Variants in TMEM150C observed in about 807,000 individuals in gnomAD.
TMEM150C encodes the protein tentonin 3.
A neutral mutation model predicts 29.9 loss-of-function variants in TMEM150C; 10 were observed. The observed-to-expected ratio is 0.33, with a 90% CI of 0.21 to 0.57. The LOEUF (loss-of-function observed/expected upper bound fraction) is 0.57, where lower values mean the gene tolerates loss of function less well. Among genes scored for constraint, TMEM150C ranks in the 20% least tolerant of loss-of-function variants. The pLI is 0.88. For synonymous variants in TMEM150C, 101 were observed against 112.5 expected (o/e 0.90, Z 0.64); for missense variants, 251 against 303.6 (o/e 0.83, Z 1.29).
chr4:82,491,937 T>G lies in TMEM150C; in HGVS notation c.364-1699A>C, dbSNP rs929643980. 1.2e-4 allele frequency among the ~76,000 whole-genome samples: 11 copies of G among 90,006 alleles called. No individual in the cohort carries two copies. The South Asian group carries it at 1.8e-3, about 15-fold the overall frequency. 59.0% of individuals were successfully genotyped at this position (90,006 alleles called of 152,430 possible). A position where few individuals can be genotyped will look rare whatever the true frequency, so the allele number is the denominator to read the frequency against. On this transcript the variant is annotated intron_variant, in intron 6 of 7. Transcript: ENST00000449862. Reference sequence around the variant, plus strand: ...GTCTATGTAATGTGACTAATTCTTGTTTTTTTTTTTGGTTTTTTTTTTTGA... The same window carrying G: ...GTCTATGTAATGTGACTAATTCTTGGTTTTTTTTTTGGTTTTTTTTTTTGA...
At chr4:82,515,423 T>A (rs949906572) in intron 1 of TMEM150C, among the ~76,000 whole-genome samples, 1 of 152,072 alleles carries the variant, frequency 6.6e-6, no homozygotes, top group Non-Finnish European at 1.5e-5. Context: ...TTACTCCCAA[T>A]ATGACTGACT....
At chr4:82,533,927 T>G (rs539641044) in intron 1 of TMEM150C, among the ~76,000 whole-genome samples, 1 of 152,358 alleles carries the variant, frequency 6.6e-6, no homozygotes, top group South Asian at 2.1e-4. Context: ...TCTAGAACTT[T>G]CACATTACTG....
At chr4:82,492,625 ATTACCAACTGATGT>A (rs1161650836) in intron 6 of TMEM150C, among the ~76,000 whole-genome samples, 2 of 151,844 alleles carry the variant, frequency 1.3e-5, no homozygotes, top group East Asian at 3.9e-4. Context: ...TCCCCAAATC[ATTACCAACTGATGT>A]TTAAAATATA....
rs1049656133 is a variant in TMEM150C, at chr4:82,485,448, T to G, written c.*63A>C. The G allele has an allele frequency of 2.4e-6, 3 of 1,241,492 alleles. No individual in the cohort carries two copies. Among genetic ancestry groups the G allele is most frequent in the Non-Finnish European group, 3.5e-6 (3 of 868,846 alleles). 76.9% of individuals were successfully genotyped at this position (1,241,492 alleles called of 1,614,324 possible). On this transcript the variant is annotated 3_prime_UTR_variant, in exon 8 of 8. Transcript: ENST00000449862. ...GAGGTTCTATGTCAAGTCCTGTGAG[T>G]GTGTCCTACTGGCCCCTCCCCCACT...
intron 1 of TMEM150C, among the ~76,000 whole-genome samples, chr4:82,525,530 A>C (rs1461755180): frequency 2.6e-5 from 4 of 152,236 alleles, no homozygotes; most frequent in African/African-American, 9.6e-5. Flanking sequence ...AGAAAGGGGG[A>C]TAGAATAGCT....
At chr4:82,495,801 A>T (rs2110065652) in intron 6 of TMEM150C, 1 of 432,608 alleles carries the variant, frequency 2.3e-6, no homozygotes, top group Non-Finnish European at 4.4e-6. Context: ...CTGTGGCCAT[A>T]TGCTTCTCAT....
intron 1 of TMEM150C, among the ~76,000 whole-genome samples, chr4:82,527,088 C>A (rs1724681023): frequency 7.6e-6 from 1 of 130,914 alleles, no homozygotes; most frequent in Admixed American, 8.9e-5. Flanking sequence ...ACAGAGTAAA[C>A]CTCAGGTATT....
rs1441005148 is a variant in TMEM150C, at chr4:82,507,723, CTCTCTTTTTTTTTTTTTT to C, written c.-10-3074_-10-3057del. Reference sequence around the variant, plus strand: ...TATATTAAATTAACTCTCTCTCTCTCTCTCTTTTTTTTTTTTTTTTTTTTTTTTTTTTTTTTTTTTTTT... The same window carrying C: ...TATATTAAATTAACTCTCTCTCTCTCTTTTTTTTTTTTTTTTTTTTTTTTT... On this transcript the variant is annotated intron_variant, in intron 1 of 7. Transcript: ENST00000449862. Among the ~76,000 whole-genome samples the C allele has an allele frequency of 4.2e-3, 361 of 86,020 alleles. 23 individuals carry two copies. Among genetic ancestry groups the C allele is most frequent in the South Asian group, 8.0e-3 (19 of 2,374 alleles). 56.4% of individuals were successfully genotyped at this position (86,020 alleles called of 152,430 possible).
intron 1 of TMEM150C, among the ~76,000 whole-genome samples, chr4:82,509,058 G>C (rs1454482384): frequency 6.6e-6 from 1 of 152,174 alleles, no homozygotes; most frequent in African/African-American, 2.4e-5. Context: ...TCTTCCTAAA[G>C]AGCCAATACT....
At chr4:82,491,434 C>A in intron 6 of TMEM150C, 1 of 676,266 alleles carries the variant, frequency 1.5e-6, no homozygotes, top group Non-Finnish European at 2.7e-6. Context: ...TAGAGGATGG[C>A]TGTCTGCCAC....
chr4:82,495,842 C>T, intron 6 of TMEM150C: 1 of 555,770 alleles, frequency 1.8e-6, no homozygotes. Context: ...TCATCTTCCA[C>T]TTTAATGAGT....
At chr4:82,561,325 G>C (rs923253688) in intron 1 of TMEM150C, among the ~76,000 whole-genome samples, 1 of 152,232 alleles carries the variant, frequency 6.6e-6, no homozygotes, top group East Asian at 1.9e-4. Context: ...CCCAGGAAAG[G>C]AAGGAAGACT....
intron 1 of TMEM150C, among the ~76,000 whole-genome samples, chr4:82,528,010 C>G (rs2110081474): frequency 6.6e-6 from 1 of 152,328 alleles, no homozygotes; most frequent in South Asian, 2.1e-4. Flanking sequence ...CCACTTTGCA[C>G]AGGCACTAGG....
At chr4:82,525,017 T>A (rs1724609102) in intron 1 of TMEM150C, among the ~76,000 whole-genome samples, 1 of 152,182 alleles carries the variant, frequency 6.6e-6, no homozygotes, top group Admixed American at 6.5e-5. Flanking sequence ...AGGAACCTAT[T>A]GCAATGTTCT....
chr4:82,507,967 A>G (rs1464089682), intron 1 of TMEM150C, among the ~76,000 whole-genome samples: 1 of 151,792 alleles, frequency 6.6e-6, no homozygotes, highest in Non-Finnish European at 1.5e-5. Flanking sequence ...AAGCTAGTCT[A>G]GAACTCCTGA....
chr4:82,502,889 G>T lies in TMEM150C; in HGVS notation c.167+6C>A, dbSNP rs759075303. On this transcript the variant is annotated splice_donor_region_variant and intron_variant, in intron 4 of 7. Coordinates refer to ENST00000449862, the MANE Select transcript of TMEM150C (RefSeq NM_001080506.3). ...CCCACAGGACAGAAGAGAATTGCTG[G>T]GTTACCTTATATATGGTGCATGCTT... 1 of 1,597,846 alleles carries T rather than the reference G, an allele frequency of 6.3e-7. No homozygotes were observed. The highest frequency in any genetic ancestry group is 1.7e-5 in the Admixed American group (1 of 57,470).
chr4:82,509,989 G>A (rs1724068909), intron 1 of TMEM150C, among the ~76,000 whole-genome samples: 1 of 152,020 alleles, frequency 6.6e-6, no homozygotes, highest in African/African-American at 2.4e-5. Flanking sequence ...AGCAGCAAAT[G>A]GAAATGGAAG....
At chr4:82,542,357 G>A (rs903178224) in intron 1 of TMEM150C, among the ~76,000 whole-genome samples, 12 of 152,332 alleles carry the variant, frequency 7.9e-5, no homozygotes, top group Non-Finnish European at 5.9e-5. Context: ...CTACATAAGC[G>A]AGGAACTGGA....
intron 1 of TMEM150C, among the ~76,000 whole-genome samples, chr4:82,531,775 A>T (rs1177194726): frequency 1.3e-5 from 2 of 151,548 alleles, no homozygotes; most frequent in Non-Finnish European, 2.9e-5. Flanking sequence ...AAAAAAAAAA[A>T]AAAGGTCATG....
Sources: allele counts gnomAD v4.1 joint callset (sites outside exome capture counted in the v4.1 genomes callset), GRCh38; gene constraint gnomAD v4.1.1; transcripts MANE v1.5; gene names NCBI Gene and HGNC (gene_info 2026-07-23, HGNC 2026-07-21).